MYT1L: variants seen among roughly 807,000 people sequenced by gnomAD.
MYT1L encodes the protein myelin transcription factor 1 like.
A neutral mutation model predicts 126.7 loss-of-function variants in MYT1L; 12 were observed. The ratio of observed to expected loss-of-function variants is 0.09; its 90% CI spans 0.06 to 0.15. The LOEUF is 0.15. Ranked by LOEUF, MYT1L falls within the 10% of genes least tolerant of loss-of-function variation. The probability of loss-of-function intolerance (pLI) is 1.00; values close to 1 mark genes in which losing one functional copy is unlikely to be tolerated. For missense variants in MYT1L, 979 were observed against 1,585.2 expected (o/e 0.62, Z 6.49); for synonymous variants, 541 against 604.2 (o/e 0.90, Z 1.53).
intron 2 of MYT1L, among the ~76,000 whole-genome samples, chr2:2,242,836 A>C (rs1292690046): frequency 6.6e-6 from 1 of 152,248 alleles, no homozygotes; most frequent in Non-Finnish European, 1.5e-5. Context: ...AATGAAGTAC[A>C]TTCCTCTGCA....
chr2:2,185,923 G>C (rs1259163209), intron 2 of MYT1L, among the ~76,000 whole-genome samples: 3 of 120,282 alleles, frequency 2.5e-5, no homozygotes, highest in African/African-American at 1.1e-4. Flanking sequence ...CCCAAGTCCC[G>C]CGTTCCTTCT....
chr2:2,172,613 G>A (rs1452806122), intron 3 of MYT1L, among the ~76,000 whole-genome samples: 3 of 152,292 alleles, frequency 2.0e-5, no homozygotes, highest in African/African-American at 2.4e-5. Flanking sequence ...TGGGAGCCCC[G>A]TGCTGGGCAG....
intron 21 of MYT1L, among the ~76,000 whole-genome samples, chr2:1,810,635 T>G (rs2036467709): frequency 6.6e-6 from 1 of 152,188 alleles, no homozygotes; most frequent in Non-Finnish European, 1.5e-5. Context: ...ATATCTGCAT[T>G]AATATAATTA....
At chr2:1,903,543 G>A (rs2050619536) in intron 13 of MYT1L, among the ~76,000 whole-genome samples, 2 of 152,094 alleles carry the variant, frequency 1.3e-5, no homozygotes, top group Admixed American at 6.5e-5. Context: ...CTTTAAATAT[G>A]TCCTTTTTTC....
chr2:2,279,564 T>TAAAG (rs2095417379), intron 2 of MYT1L, among the ~76,000 whole-genome samples: 1 of 121,568 alleles, frequency 8.2e-6, no homozygotes, highest in African/African-American at 3.0e-5. Context: ...AAGGAATGAA[T>TAAAG]GAATGAAGGA....
chr2:1,930,936 T>C (rs1047022408), intron 9 of MYT1L, among the ~76,000 whole-genome samples: 14 of 152,236 alleles, frequency 9.2e-5, no homozygotes, highest in African/African-American at 3.4e-4. Context: ...TACATCTTAG[T>C]AACCATCTTC....
chr2:2,001,828 C>G (rs1159134470), intron 4 of MYT1L, among the ~76,000 whole-genome samples: 1 of 152,198 alleles, frequency 6.6e-6, no homozygotes, highest in African/African-American at 2.4e-5. Context: ...TCGTTCCAAC[C>G]TGGTACCCCG....
chr2:1,937,703 A>G (rs1292910046), intron 9 of MYT1L, among the ~76,000 whole-genome samples: 2 of 151,570 alleles, frequency 1.3e-5, no homozygotes, highest in Non-Finnish European at 2.9e-5. Context: ...CAGCCATCAG[A>G]TCACAAGTCG....
chr2:2,312,373 G>C (rs1000008964), intron 1 of MYT1L, among the ~76,000 whole-genome samples: 1 of 152,104 alleles, frequency 6.6e-6, no homozygotes, highest in Non-Finnish European at 1.5e-5. Flanking sequence ...CACTTTGAGA[G>C]GCCGAGACAG....
chr2:2,152,585 T>G (rs1375513517), intron 3 of MYT1L, among the ~76,000 whole-genome samples: 1 of 152,126 alleles, frequency 6.6e-6, no homozygotes, highest in Admixed American at 6.5e-5. Context: ...ACAATGTCAT[T>G]CTGTGCAGAG....
chr2:2,011,572 C>T (rs189737272), intron 4 of MYT1L, among the ~76,000 whole-genome samples: 2 of 151,732 alleles, frequency 1.3e-5, no homozygotes, highest in East Asian at 3.9e-4. Flanking sequence ...GCAAATACAC[C>T]ACCACAAAAG....
At chr2:2,147,746 C>T (rs2085098603) in intron 3 of MYT1L, among the ~76,000 whole-genome samples, 2 of 152,168 alleles carry the variant, frequency 1.3e-5, no homozygotes. Flanking sequence ...CACAAGAAGG[C>T]AGGGTGTCTG....
At chr2:2,323,843 T>A in intron 1 of MYT1L, among the ~76,000 whole-genome samples, 1 of 152,218 alleles carries the variant, frequency 6.6e-6, no homozygotes, top group East Asian at 1.9e-4. Flanking sequence ...ATCTTCCAGC[T>A]AGGAAAAATA....
chr2:2,160,102 G>A (rs188589845), intron 3 of MYT1L, among the ~76,000 whole-genome samples: 120 of 152,226 alleles, frequency 7.9e-4, no homozygotes, highest in Non-Finnish European at 6.8e-4. Context: ...GAAGTTTAAC[G>A]AGGTAATACA....
At chr2:1,844,255 G>T (rs1217226348) in intron 19 of MYT1L, among the ~76,000 whole-genome samples, 1 of 152,116 alleles carries the variant, frequency 6.6e-6, no homozygotes, top group Non-Finnish European at 1.5e-5. Context: ...GCCCCCCGCA[G>T]CACCCTGTTC....
intron 19 of MYT1L, chr2:1,841,806 T>C (rs1448663455): frequency 1.3e-5 from 2 of 152,178 alleles, no homozygotes; most frequent in Admixed American, 1.3e-4. Flanking sequence ...CTCAGGTTCG[T>C]GTCTTGGGAG....
chr2:2,312,057 T>G (rs1407459880), intron 1 of MYT1L, among the ~76,000 whole-genome samples: 2 of 152,180 alleles, frequency 1.3e-5, no homozygotes, highest in Non-Finnish European at 2.9e-5. Context: ...GAAGAGAGAC[T>G]GCAGCTGTAG....
intron 2 of MYT1L, among the ~76,000 whole-genome samples, chr2:2,185,403 A>T (rs1440110222): frequency 2.0e-5 from 3 of 152,228 alleles, no homozygotes; most frequent in African/African-American, 7.2e-5. Flanking sequence ...GTGCAAACTA[A>T]TATATTCACC....
intron 4 of MYT1L, among the ~76,000 whole-genome samples, chr2:2,000,968 GT>G (rs1406755471): frequency 1.3e-5 from 2 of 152,098 alleles, no homozygotes; most frequent in African/African-American, 4.8e-5. Context: ...AGAAGCACGG[GT>G]TTTCTCTCTG....
Sources: gnomAD v4.1 joint callset for allele counts (sites outside exome capture counted in the v4.1 genomes callset) on GRCh38, gnomAD v4.1.1 for gene constraint, MANE v1.5 for transcripts, NCBI Gene and HGNC (gene_info 2026-07-23, HGNC 2026-07-21) for gene names.